The following RTN1 variants were observed in gnomAD, a reference collection of about 807,000 sequenced individuals.
RTN1 encodes the protein reticulon-1.
In RTN1, 25 loss-of-function variants were observed where a neutral mutation model predicts 65.5. The ratio of observed to expected loss-of-function variants is 0.38; its 90% CI spans 0.28 to 0.53. The LOEUF (loss-of-function observed/expected upper bound fraction) is 0.53, where lower values mean the gene tolerates loss of function less well. Ranked by LOEUF, RTN1 falls within the 20% of genes least tolerant of loss-of-function variation. The probability of loss-of-function intolerance (pLI) is 0.79; values close to 1 mark genes in which losing one functional copy is unlikely to be tolerated. For missense variants in RTN1, 983 were observed against 1,025.4 expected, an observed-to-expected ratio of 0.96 and a Z score of 0.57; for synonymous variants, 471 against 447.6, an observed-to-expected ratio of 1.05 and a Z score of -0.66.
At chr14:59,657,541 A>C (rs1217182753) in intron 3 of RTN1, among the ~76,000 whole-genome samples, 1 of 152,210 alleles carries the variant, frequency 6.6e-6, no homozygotes, top group Non-Finnish European at 1.5e-5. Flanking sequence ...CAACTGAGGT[A>C]CCTGGCTCAT....
At position 59,790,292 on chromosome 14, in the gene RTN1, C is replaced by A. The variant is rs1258620283; in HGVS notation, c.242-43811G>T. Among the ~76,000 whole-genome samples the A allele has an allele frequency of 6.6e-6, 1 of 152,034 alleles. No homozygotes were observed. Among genetic ancestry groups the A allele is most frequent in the African/African-American group, 2.4e-5 (1 of 41,396 alleles). ...TCACACACACACACAGACACACACA[C>A]ACACCTCTAGGAAAAAAGTAGTGGG... On this transcript the variant is annotated intron_variant, in intron 1 of 8. Coordinates refer to ENST00000267484, the MANE Select transcript of RTN1 (RefSeq NM_021136.3). This position sits in a 1 kb window ranked among gnomAD's most constrained non-coding sequence, Gnocchi z 4.1.
At chr14:59,754,637 T>A (rs1300290155) in intron 1 of RTN1, among the ~76,000 whole-genome samples, 3 of 152,202 alleles carry the variant, frequency 2.0e-5, no homozygotes, top group Non-Finnish European at 4.4e-5. Flanking sequence ...TGCCCTTAGA[T>A]CTTTGCCTGA....
At chr14:59,861,311 G>A (rs958617800) in intron 1 of RTN1, among the ~76,000 whole-genome samples, 1 of 152,102 alleles carries the variant, frequency 6.6e-6, no homozygotes, top group Non-Finnish European at 1.5e-5. Flanking sequence ...CTCTCTCTTT[G>A]CCTGCTGCCA....
chr14:59,805,305 A>G (rs1453855475), intron 1 of RTN1, among the ~76,000 whole-genome samples: 1 of 152,198 alleles, frequency 6.6e-6, no homozygotes, highest in Non-Finnish European at 1.5e-5. Flanking sequence ...TGTGAACTCC[A>G]TAATAGGGAC....
rs117332812 is a variant in RTN1 at position 59,633,282 on chromosome 14, G to A, written c.1766-25790C>T. Among the ~76,000 whole-genome samples the A allele has an allele frequency of 5.1e-3, 771 of 152,232 alleles. 2 individuals carry two copies. Among genetic ancestry groups the A allele is most frequent in the Non-Finnish European group, 8.4e-3 (570 of 68,012 alleles). On this transcript the variant is annotated intron_variant, in intron 3 of 8. Coordinates refer to ENST00000267484, the MANE Select transcript of RTN1 (RefSeq NM_021136.3). Reference sequence around the variant, plus strand: ...TCACACTAGTGAAGTAAAAATTGGCGGGCTTTAGCTTAATGTGTAGGTGGT... The same window carrying A: ...TCACACTAGTGAAGTAAAAATTGGCAGGCTTTAGCTTAATGTGTAGGTGGT...
intron 1 of RTN1, among the ~76,000 whole-genome samples, chr14:59,783,353 A>G (rs1488158412): frequency 6.6e-6 from 1 of 152,122 alleles, no homozygotes; most frequent in African/African-American, 2.4e-5. Context: ...CTTATGAGAA[A>G]AGCAGTTGGA....
chr14:59,662,701 A>G (rs1302263994), intron 3 of RTN1, among the ~76,000 whole-genome samples: 1 of 152,176 alleles, frequency 6.6e-6, no homozygotes, highest in Non-Finnish European at 1.5e-5. Context: ...TAGGAATACA[A>G]CTTAAAAGTG....
chr14:59,636,878 T>G (rs1882677187), intron 3 of RTN1, among the ~76,000 whole-genome samples: 1 of 152,230 alleles, frequency 6.6e-6, no homozygotes, highest in Admixed American at 6.5e-5. Flanking sequence ...GCTAATAATC[T>G]TCTGAGCCTT....
intron 3 of RTN1, among the ~76,000 whole-genome samples, chr14:59,640,272 G>A (rs2140191257): frequency 6.6e-6 from 1 of 151,746 alleles, no homozygotes; most frequent in Non-Finnish European, 1.5e-5. Flanking sequence ...TGTCAATGTT[G>A]GTTTTTATTT....
intron 1 of RTN1, among the ~76,000 whole-genome samples, chr14:59,782,206 T>C (rs982708344): frequency 1.3e-5 from 2 of 152,294 alleles, no homozygotes; most frequent in East Asian, 3.9e-4. Context: ...GTTTCTGTTG[T>C]TTATAAGCTA....
rs555384985 is a variant in RTN1 at position 59,829,988 on chromosome 14, T to C, written c.241+40402A>G. Among the ~76,000 whole-genome samples the C allele has an allele frequency of 5.7e-4, 87 of 152,324 alleles. No individual in the cohort carries two copies. The highest frequency in any genetic ancestry group is 3.4e-3 in the Middle Eastern group (1 of 294). Reference sequence around the variant, plus strand: ...TTTTTTATTTTAAAAAAATAGCATGTATTTTTGGGTTTAGTCTTGTGTGAC... The same window carrying C: ...TTTTTTATTTTAAAAAAATAGCATGCATTTTTGGGTTTAGTCTTGTGTGAC... On this transcript the variant is annotated intron_variant, in intron 1 of 8. Coordinates refer to ENST00000267484, the MANE Select transcript of RTN1 (RefSeq NM_021136.3). This position sits in a 1 kb window ranked among gnomAD's most constrained non-coding sequence, Gnocchi z 4.3.
intron 1 of RTN1, among the ~76,000 whole-genome samples, chr14:59,841,088 T>C (rs532566173): frequency 6.6e-6 from 1 of 152,192 alleles, no homozygotes; most frequent in South Asian, 2.1e-4. Context: ...ATATACCTCA[T>C]AAGCAGAAGT....
intron 3 of RTN1, among the ~76,000 whole-genome samples, chr14:59,679,856 G>C (rs542414302): frequency 6.6e-6 from 1 of 152,218 alleles, no homozygotes; most frequent in Admixed American, 6.5e-5. Context: ...TTTGAACCTT[G>C]CAAATTGTTC....
At chr14:59,749,068 G>A (rs1324718157) in intron 1 of RTN1, among the ~76,000 whole-genome samples, 3 of 147,176 alleles carry the variant, frequency 2.0e-5, no homozygotes, top group Non-Finnish European at 3.0e-5. Context: ...GATTACAGGC[G>A]TGAGCCACCA....
intron 2 of RTN1, among the ~76,000 whole-genome samples, chr14:59,730,834 C>A (rs1043939873): frequency 2.6e-5 from 4 of 152,062 alleles, no homozygotes; most frequent in African/African-American, 9.7e-5. Context: ...TGGCTATAAT[C>A]AAAAAGCCAG....
intron 3 of RTN1, among the ~76,000 whole-genome samples, chr14:59,719,064 C>T (rs1344169745): frequency 6.6e-6 from 1 of 152,200 alleles, no homozygotes; most frequent in Non-Finnish European, 1.5e-5. Flanking sequence ...TTTCTCCCTA[C>T]AGCAGCCAAT....
intron 1 of RTN1, among the ~76,000 whole-genome samples, chr14:59,807,491 A>T (rs1453603525): frequency 6.6e-6 from 1 of 152,220 alleles, no homozygotes; most frequent in Non-Finnish European, 1.5e-5. Flanking sequence ...CTTTCACATC[A>T]GTGCCATTCA....
intron 1 of RTN1, among the ~76,000 whole-genome samples, chr14:59,840,514 C>T (rs145731654): frequency 3.3e-5 from 5 of 152,262 alleles, no homozygotes; most frequent in Admixed American, 1.3e-4. Context: ...GTATCTACCA[C>T]GTATGGTTGT....
intron 3 of RTN1, among the ~76,000 whole-genome samples, chr14:59,650,197 C>A (rs1882992495): frequency 6.6e-6 from 1 of 152,096 alleles, no homozygotes; most frequent in East Asian, 1.9e-4. Context: ...AGGAGTTGAA[C>A]AATGAGAACA....
Sources: allele counts gnomAD v4.1 joint callset (sites outside exome capture counted in the v4.1 genomes callset), GRCh38; gene constraint gnomAD v4.1.1; non-coding constraint Gnocchi (gnomAD v3.1); transcripts MANE v1.5; gene names NCBI Gene and HGNC (gene_info 2026-07-23, HGNC 2026-07-21).